SPSB1: variants seen among roughly 807,000 people sequenced by gnomAD.
SPSB1 encodes SPRY domain-containing SOCS box protein 1.
A neutral mutation model predicts 21.2 loss-of-function variants in SPSB1; 8 were observed. The observed-to-expected ratio is 0.38, with a 90% CI of 0.22 to 0.68. The LOEUF (loss-of-function observed/expected upper bound fraction) is 0.68. Among genes scored for constraint, SPSB1 ranks in the 30% least tolerant of loss-of-function variants. SPSB1 has a pLI of 0.53. For missense variants in SPSB1, 242 were observed against 377.8 expected, an observed-to-expected ratio of 0.64 and a Z score of 2.98; for synonymous variants, 169 against 161.7, an observed-to-expected ratio of 1.05 and a Z score of -0.34.
intron 1 of SPSB1, among the ~76,000 whole-genome samples, chr1:9,352,736 C>T (rs1569646254): frequency 6.6e-6 from 1 of 151,658 alleles, no homozygotes; most frequent in East Asian, 1.9e-4. Context: ...TTACTCTCCT[C>T]GCCTCTTCCC....
Position 9,305,103 on chromosome 1 carries a change from C to A in SPSB1, c.-150+12032C>A, listed in dbSNP as rs1200315453. ...CCACTTCTCCCTCTCGCCCTTGTGGCCCATCTGCCCCCTCAGGAGAGTCCC... is the reference window on the plus strand; with the variant it reads ...CCACTTCTCCCTCTCGCCCTTGTGGACCATCTGCCCCCTCAGGAGAGTCCC... On this transcript the variant is annotated intron_variant, in intron 1 of 2. Coordinates refer to ENST00000328089, the MANE Select transcript of SPSB1 (RefSeq NM_025106.4). This position sits in a 1 kb window ranked among gnomAD's most constrained non-coding sequence, Gnocchi z 4.8. Among the ~76,000 whole-genome samples, 1 of 152,150 alleles carries A rather than the reference C, an allele frequency of 6.6e-6. No individual in the cohort carries two copies. Among genetic ancestry groups the A allele is most frequent in the Non-Finnish European group, 1.5e-5 (1 of 68,014 alleles).
rs1569633872 is a variant in SPSB1, at chr1:9,345,029, G to C, written c.-149-10714G>C. ...ATGTCCAAGAGACTGCCTTGTTGGG[G>C]GAAAGTGGCAGACTTTGGATGCACT... On this transcript the variant is annotated intron_variant, in intron 1 of 2. Coordinates refer to ENST00000328089, the MANE Select transcript of SPSB1 (RefSeq NM_025106.4). This position sits in a 1 kb window ranked among gnomAD's most constrained non-coding sequence, Gnocchi z 4.8. Among the ~76,000 whole-genome samples the C allele has an allele frequency of 6.6e-6, 1 of 152,176 alleles. No homozygotes were observed. Among genetic ancestry groups the C allele is most frequent in the Non-Finnish European group, 1.5e-5 (1 of 68,016 alleles).
At chr1:9,361,909 C>A (rs1400948726) in intron 2 of SPSB1, among the ~76,000 whole-genome samples, 1 of 152,260 alleles carries the variant, frequency 6.6e-6, no homozygotes, top group Non-Finnish European at 1.5e-5. Context: ...AGCCCCTGAC[C>A]TTGTGGGTCC....
chr1:9,308,574 G>T (rs1557446743), intron 1 of SPSB1, among the ~76,000 whole-genome samples: 1 of 152,222 alleles, frequency 6.6e-6, no homozygotes, highest in Non-Finnish European at 1.5e-5. Flanking sequence ...GATCCCATCT[G>T]CTGTGAGTGT....
chr1:9,315,155 G>A (rs1022216718), intron 1 of SPSB1, among the ~76,000 whole-genome samples: 26 of 152,188 alleles, frequency 1.7e-4, no homozygotes, highest in African/African-American at 6.0e-4. Flanking sequence ...GCGGGGCTGG[G>A]ACAAGAGCTG....
At chr1:9,322,101 C>G (rs1300693876) in intron 1 of SPSB1, among the ~76,000 whole-genome samples, 2 of 152,154 alleles carry the variant, frequency 1.3e-5, no homozygotes, top group Non-Finnish European at 2.9e-5. Context: ...TTGAATGGCT[C>G]TTTATTAACG....
chr1:9,367,935 T>A lies in SPSB1; in HGVS notation c.*360T>A. 1 of 212,090 alleles carries A rather than the reference T, an allele frequency of 4.7e-6. No homozygotes were observed. 13.1% of individuals were successfully genotyped at this position (212,090 alleles called of 1,614,324 possible). Reference sequence around the variant, plus strand: ...CCTCTGGGAGAAGGCTGCAGCCACCTGGGGGTCCCAGGGTGGTGGGGGTGG... The same window carrying A: ...CCTCTGGGAGAAGGCTGCAGCCACCAGGGGGTCCCAGGGTGGTGGGGGTGG... On this transcript the variant is annotated 3_prime_UTR_variant, in exon 3 of 3. Transcript: ENST00000328089. The surrounding 1 kb of genome is among the most constrained non-coding windows in gnomAD (Gnocchi z 5.9).
At chr1:9,328,889 G>A (rs1218944880) in intron 1 of SPSB1, among the ~76,000 whole-genome samples, 3 of 152,188 alleles carry the variant, frequency 2.0e-5, no homozygotes, top group African/African-American at 7.2e-5. Context: ...CCCACCAGAC[G>A]CCACCCCAAC....
At chr1:9,338,590 AG>A (rs1426135233) in intron 1 of SPSB1, among the ~76,000 whole-genome samples, 4 of 152,266 alleles carry the variant, frequency 2.6e-5, no homozygotes, top group Admixed American at 2.6e-4. Flanking sequence ...TGTTCATTTC[AG>A]GACAAGTTGC....
chr1:9,361,099 G>A (rs1327997619), intron 2 of SPSB1, among the ~76,000 whole-genome samples: 1 of 151,468 alleles, frequency 6.6e-6, no homozygotes, highest in Non-Finnish European at 1.5e-5. Flanking sequence ...GGGTCTGCCC[G>A]GGAGCAGAGC....
intron 1 of SPSB1, chr1:9,294,583 G>C (rs1639179055): frequency 6.6e-6 from 1 of 152,258 alleles, no homozygotes; most frequent in African/African-American, 2.4e-5. Context: ...GTTGGCAGGG[G>C]CTGCTTCCTG....
intron 1 of SPSB1, among the ~76,000 whole-genome samples, chr1:9,352,284 T>C (rs1469197275): frequency 1.3e-5 from 2 of 152,144 alleles, no homozygotes; most frequent in Non-Finnish European, 2.9e-5. Flanking sequence ...GGTGGCTCTT[T>C]CTGGGACGGG....
intron 1 of SPSB1, among the ~76,000 whole-genome samples, chr1:9,296,615 CAT>C (rs1471620321): frequency 1.3e-5 from 2 of 152,094 alleles, no homozygotes; most frequent in African/African-American, 2.4e-5. Context: ...TATGCACACA[CAT>C]ATATGCACAC....
intron 1 of SPSB1, among the ~76,000 whole-genome samples, chr1:9,316,933 C>T (rs1353076610): frequency 6.6e-6 from 1 of 152,150 alleles, no homozygotes; most frequent in African/African-American, 2.4e-5. Flanking sequence ...AGGGAGCTGC[C>T]TGGTGCTCTC....
chr1:9,341,161 TTG>T (rs1640084849), intron 1 of SPSB1, among the ~76,000 whole-genome samples: 1 of 152,206 alleles, frequency 6.6e-6, no homozygotes, highest in Non-Finnish European at 1.5e-5. Context: ...CAGATCCAAG[TTG>T]CTTTTCTGAG....
intron 1 of SPSB1, among the ~76,000 whole-genome samples, chr1:9,341,725 G>A (rs184991944): frequency 1.3e-5 from 2 of 152,156 alleles, no homozygotes; most frequent in African/African-American, 4.8e-5. Flanking sequence ...TTTTTGAGAC[G>A]GGGTTTCACT....
intron 1 of SPSB1, among the ~76,000 whole-genome samples, chr1:9,353,633 T>C (rs1640310399): frequency 6.6e-6 from 1 of 151,826 alleles, no homozygotes; most frequent in South Asian, 2.1e-4. Flanking sequence ...GAACCCTCTG[T>C]CTATGGCTGG....
chr1:9,343,293 A>C (rs1267026405), intron 1 of SPSB1, among the ~76,000 whole-genome samples: 1 of 152,194 alleles, frequency 6.6e-6, no homozygotes, highest in East Asian at 1.9e-4. Context: ...GGCAAGTGCC[A>C]GTCTGCTTTC....
At chr1:9,329,274 G>A (rs1473586920) in intron 1 of SPSB1, among the ~76,000 whole-genome samples, 2 of 152,152 alleles carry the variant, frequency 1.3e-5, no homozygotes, top group Admixed American at 6.5e-5. Flanking sequence ...GGAAAGGTGA[G>A]ATCCCGGATG....
Sources: gnomAD v4.1 joint callset for allele counts (sites outside exome capture counted in the v4.1 genomes callset) on GRCh38, gnomAD v4.1.1 for gene constraint, Gnocchi (gnomAD v3.1) non-coding constraint, MANE v1.5 for transcripts, NCBI Gene and HGNC (gene_info 2026-07-23, HGNC 2026-07-21) for gene names.